Variants in GALNT15 observed in about 807,000 individuals in gnomAD.
GALNT15 encodes the protein polypeptide N-acetylgalactosaminyltransferase 15, also known as UDP-GalNAc transferase T15.
GALNT15 carries 67 observed loss-of-function variants against 66.8 expected under a neutral mutation model. The ratio of observed to expected loss-of-function variants is 1.00; its 90% CI spans 0.82 to 1.23. The LOEUF (loss-of-function observed/expected upper bound fraction) is 1.23. Among genes scored for constraint, GALNT15 ranks in the 50% most tolerant of loss-of-function variants. GALNT15 has a pLI of 0.00. For missense variants in GALNT15, 827 were observed against 804.3 expected, an observed-to-expected ratio of 1.03 and a Z score of -0.34; for synonymous variants, 313 against 311.5, an observed-to-expected ratio of 1.00 and a Z score of -0.05.
At chr3:16,231,361 C>A (rs1332957248), downstream of GALNT15, among the ~76,000 whole-genome samples, 1 of 152,154 alleles carries the variant, frequency 6.6e-6, no homozygotes, top group Non-Finnish European at 1.5e-5. The surrounding 1 kb of genome is among the most constrained non-coding windows in gnomAD (Gnocchi z 4.1). Context: ...ATCTTCTTTC[C>A]AGTTCCAACT....
Position 16,184,867 on chromosome 3 carries a change from G to A in GALNT15, c.539+9177G>A, listed in dbSNP as rs1436639491. On this transcript the variant is annotated intron_variant, in intron 1 of 9. Transcript: ENST00000339732. The surrounding 1 kb of genome is among the most constrained non-coding windows in gnomAD (Gnocchi z 5.0). Reference sequence around the variant, plus strand: ...ACCCTCTGCCCTTAGGGGTGAGGGTGCTGGGTGTTTAATAAACCAACTCTT... The same window carrying A: ...ACCCTCTGCCCTTAGGGGTGAGGGTACTGGGTGTTTAATAAACCAACTCTT... Among the ~76,000 whole-genome samples the A allele has an allele frequency of 1.3e-5, 2 of 152,184 alleles. No individual in the cohort carries two copies. Among genetic ancestry groups the A allele is most frequent in the African/African-American group, 2.4e-5 (1 of 41,456 alleles).
chr3:16,195,860 A>T lies in GALNT15; in HGVS notation c.640A>T (p.Ile214Phe). Residue 214 changes from isoleucine to phenylalanine, a missense_variant, in exon 2 of 10, where the codon ATC (isoleucine) becomes TTC (phenylalanine). Ile to Phe is a conservative substitution (Grantham distance 21). Coordinates refer to ENST00000339732, the MANE Select transcript of GALNT15 (RefSeq NM_054110.5). The surrounding 1 kb of genome is among the most constrained non-coding windows in gnomAD (Gnocchi z 4.6). ...WSTLLRTVHS[I>F]LDTVPRAFLK... ...CACTCTCCTGCGGACTGTACACAGC[A>T]TCCTCGACACAGTGCCCAGGGCCTT... 6.2e-7 allele frequency: 1 copy of T among 1,614,090 alleles called. No individual in the cohort carries two copies. Among genetic ancestry groups the T allele is most frequent in the South Asian group, 1.1e-5 (1 of 91,078 alleles).
At chr3:16,213,182 G>A (rs550238497) in intron 6 of GALNT15, among the ~76,000 whole-genome samples, 9 of 152,094 alleles carry the variant, frequency 5.9e-5, no homozygotes, top group Admixed American at 1.3e-4. Context: ...AAGGCCAGGC[G>A]CGGTGGCTCA....
chr3:16,237,189 T>G, the GALNT15 span, among the ~76,000 whole-genome samples: 1 of 152,166 alleles, frequency 6.6e-6, no homozygotes, highest in Non-Finnish European at 1.5e-5. The surrounding 1 kb of genome is among the most constrained non-coding windows in gnomAD (Gnocchi z 4.2). Context: ...AAAACACAAA[T>G]GGTAGAAGTC....
rs1242179827 is a variant in GALNT15 at position 16,184,166 on chromosome 3, G to A, written c.539+8476G>A. 2.6e-5 allele frequency among the ~76,000 whole-genome samples: 4 copies of A among 152,192 alleles called. No homozygotes were observed. The highest frequency in any genetic ancestry group is 2.6e-4 in the Admixed American group (4 of 15,284). On this transcript the variant is annotated intron_variant, in intron 1 of 9. Transcript: ENST00000339732. This position sits in a 1 kb window ranked among gnomAD's most constrained non-coding sequence, Gnocchi z 5.0. Reference sequence around the variant, plus strand: ...CCCACTCAAAGGATGAACAAAGGAGGTCAGGGGTGGGGTTTTGGACACTTG... The same window carrying A: ...CCCACTCAAAGGATGAACAAAGGAGATCAGGGGTGGGGTTTTGGACACTTG...
intron 6 of GALNT15, among the ~76,000 whole-genome samples, chr3:16,216,893 C>A (rs1483274398): frequency 6.6e-6 from 1 of 152,244 alleles, no homozygotes; most frequent in Non-Finnish European, 1.5e-5. Flanking sequence ...AGCTGATCAC[C>A]AATTTCAGGT....
rs145670083 is a variant in GALNT15, at chr3:16,175,600, C to T, written c.449C>T (p.Thr150Ile). The change falls in exon 1 of 10, where the codon ACC becomes ATC. Residue 150 changes from threonine (T) to isoleucine (I), a missense_variant. Physicochemically the swap from Thr to Ile is moderately conservative, Grantham distance 89 (BLOSUM62 -1). Transcript: ENST00000339732. The surrounding 1 kb of genome is among the most constrained non-coding windows in gnomAD (Gnocchi z 5.6). ...GAGGTGTCTGAAGAAGAGGAGTTGACCCCGTTCAGCCTGGACCCACGTGGC... is the reference window on the plus strand; with the variant it reads ...GAGGTGTCTGAAGAAGAGGAGTTGATCCCGTTCAGCCTGGACCCACGTGGC... ...DGEVSEEEEL[T>I]PFSLDPRGLQ... is the part of the protein sequence containing the mutation. The T allele has an allele frequency of 5.8e-5, 93 of 1,613,532 alleles. No homozygotes were observed. The African/African-American group carries it at 1.1e-3, about 18-fold the overall frequency.
At position 16,188,778 on chromosome 3, in the gene GALNT15, G is replaced by T. The variant is rs148889475; in HGVS notation, c.540-6982G>T. Among the ~76,000 whole-genome samples, 57 of 152,280 alleles carry T rather than the reference G, an allele frequency of 3.7e-4. No individual in the cohort carries two copies. Among genetic ancestry groups the T allele is most frequent in the African/African-American group, 1.3e-3 (56 of 41,550 alleles). Reference sequence around the variant, plus strand: ...TTCCTTAGTGCCTGAAGCTCTGTAAGGTTGGGTGGGAGCGGGGGAGGAAGA... The same window carrying T: ...TTCCTTAGTGCCTGAAGCTCTGTAATGTTGGGTGGGAGCGGGGGAGGAAGA... On this transcript the variant is annotated intron_variant, in intron 1 of 9. Coordinates refer to ENST00000339732, the MANE Select transcript of GALNT15 (RefSeq NM_054110.5). This position sits in a 1 kb window ranked among gnomAD's most constrained non-coding sequence, Gnocchi z 4.6.
At chr3:16,222,311 T>C (rs2063951238) in intron 8 of GALNT15, among the ~76,000 whole-genome samples, 1 of 152,170 alleles carries the variant, frequency 6.6e-6, no homozygotes, top group Non-Finnish European at 1.5e-5. Flanking sequence ...TTCAACAGTA[T>C]AGTAACAAAA....
downstream of GALNT15, among the ~76,000 whole-genome samples, chr3:16,234,114 G>T (rs746069366): frequency 6.6e-6 from 1 of 152,200 alleles, no homozygotes. Flanking sequence ...CAAAGCCCAA[G>T]ATTTGATTGT....
chr3:16,236,204 G>A (rs2064125224), downstream of GALNT15, among the ~76,000 whole-genome samples: 1 of 145,220 alleles, frequency 6.9e-6, no homozygotes, highest in South Asian at 2.4e-4. Flanking sequence ...AATACAGATT[G>A]TTGCCACATA....
rs1438473241 is a variant in GALNT15, at chr3:16,175,975, C to A, written c.539+285C>A. Reference sequence around the variant, plus strand: ...AGGTGAGAATCATTGTCCTAGAAAGCAGAAAGTGAGGACTCTTGCTTGTTC... The same window carrying A: ...AGGTGAGAATCATTGTCCTAGAAAGAAGAAAGTGAGGACTCTTGCTTGTTC... On this transcript the variant is annotated intron_variant, in intron 1 of 9. Transcript: ENST00000339732. The surrounding 1 kb of genome is among the most constrained non-coding windows in gnomAD (Gnocchi z 5.6). Among the ~76,000 whole-genome samples the A allele has an allele frequency of 6.6e-6, 1 of 152,206 alleles. No individual in the cohort carries two copies. The highest frequency in any genetic ancestry group is 1.5e-5 in the Non-Finnish European group (1 of 68,046).
rs535942983 is a variant in GALNT15 at position 16,183,842 on chromosome 3, C to G, written c.539+8152C>G. Reference sequence around the variant, plus strand: ...GGCCATCTGGTGCAATGCTGTGACTCATTCTCTTCAGAGCCATCATCCAAA... The same window carrying G: ...GGCCATCTGGTGCAATGCTGTGACTGATTCTCTTCAGAGCCATCATCCAAA... On this transcript the variant is annotated intron_variant, in intron 1 of 9. Transcript: ENST00000339732. This position sits in a 1 kb window ranked among gnomAD's most constrained non-coding sequence, Gnocchi z 5.2. Among the ~76,000 whole-genome samples the G allele has an allele frequency of 6.6e-6, 1 of 152,042 alleles. No homozygotes were observed. Among genetic ancestry groups the G allele is most frequent in the African/African-American group, 2.4e-5 (1 of 41,450 alleles).
At chr3:16,223,837 T>C (rs1356011) in intron 9 of GALNT15, among the ~76,000 whole-genome samples, 18,066 of 152,040 alleles carry the variant, frequency 0.12, 1,245 homozygotes, top group Admixed American at 0.18. Context: ...GGATTGCAGG[T>C]GTGAGCCACT....
chr3:16,179,518 G>A (rs1399951785), intron 1 of GALNT15, among the ~76,000 whole-genome samples: 1 of 152,150 alleles, frequency 6.6e-6, no homozygotes, highest in Admixed American at 6.5e-5. Context: ...AAGCCACCAG[G>A]ATGTCTTGTC....
chr3:16,205,566 G>A (rs572514526), intron 3 of GALNT15, among the ~76,000 whole-genome samples: 40 of 152,320 alleles, frequency 2.6e-4, no homozygotes, highest in Middle Eastern at 3.4e-3. Flanking sequence ...AGGGACTGAC[G>A]AAGTAAGCAG....
chr3:16,203,541 T>TCACA lies in GALNT15; in HGVS notation c.911+2719_911+2720insACAC, dbSNP rs1313366291. Among the ~76,000 whole-genome samples the TCACA allele has an allele frequency of 3.6e-3, 212 of 58,654 alleles. No individual in the cohort carries two copies. In the East Asian group the frequency reaches 0.051, roughly 14 times the overall value. 38.5% of individuals were successfully genotyped at this position (58,654 alleles called of 152,430 possible). On this transcript the variant is annotated intron_variant, in intron 3 of 9. Coordinates refer to ENST00000339732, the MANE Select transcript of GALNT15 (RefSeq NM_054110.5). The surrounding 1 kb of genome is among the most constrained non-coding windows in gnomAD (Gnocchi z 6.2). ...CTCATTCTCTCTCTCTCTCTCTCTC[T>TCACA]CTCACACACACACACACACACACAC...
intron 6 of GALNT15, among the ~76,000 whole-genome samples, chr3:16,215,765 T>A (rs962546995): frequency 2.0e-5 from 3 of 151,860 alleles, no homozygotes; most frequent in Non-Finnish European, 4.4e-5. Flanking sequence ...CAGAAATTAG[T>A]TGGGCATGGT....
At chr3:16,216,490 C>T (rs1175465037) in intron 6 of GALNT15, among the ~76,000 whole-genome samples, 1 of 113,336 alleles carries the variant, frequency 8.8e-6, no homozygotes, top group Non-Finnish European at 1.8e-5. Flanking sequence ...CAGAGCAAGA[C>T]TCTGTCTCGG....
Sources: gnomAD v4.1 joint callset for allele counts (sites outside exome capture counted in the v4.1 genomes callset) on GRCh38, gnomAD v4.1.1 for gene constraint, Gnocchi (gnomAD v3.1) non-coding constraint, MANE v1.5 for transcripts, NCBI Gene and HGNC (gene_info 2026-07-23, HGNC 2026-07-21) for gene names.